Variants in ANKH observed in about 807,000 individuals in gnomAD.
ANKH encodes mineralization regulator ANKH.
ANKH carries 15 observed loss-of-function variants against 49.0 expected under a neutral mutation model. That is an observed-to-expected ratio of 0.31 (90% CI 0.20 to 0.47). ANKH has a LOEUF of 0.47. Among genes scored for constraint, ANKH ranks in the 20% least tolerant of loss-of-function variants. The probability of loss-of-function intolerance (pLI) is 1.00; values close to 1 mark genes in which losing one functional copy is unlikely to be tolerated. For missense variants in ANKH, 429 were observed against 652.0 expected (o/e 0.66, Z 3.72); for synonymous variants, 273 against 260.0 (o/e 1.05, Z -0.48).
intron 1 of ANKH, among the ~76,000 whole-genome samples, chr5:14,787,187 G>A (rs546692825): frequency 1.3e-5 from 2 of 152,112 alleles, no homozygotes; most frequent in African/African-American, 2.4e-5. Flanking sequence ...GGTTGCATGC[G>A]CCTGTAATCC....
Position 14,712,734 on chromosome 5 carries a change from C to T in ANKH, c.1365+140G>A, listed in dbSNP as rs185979770. On this transcript the variant is annotated intron_variant, in intron 11 of 11. Transcript: ENST00000284268. ...CCACTCCCATTAGGCTTCCAGCCACCCTAAGCCACGAGACTGGGCAGTGTC... is the reference window on the plus strand; with the variant it reads ...CCACTCCCATTAGGCTTCCAGCCACTCTAAGCCACGAGACTGGGCAGTGTC... 442 of 851,542 alleles carry T rather than the reference C, an allele frequency of 5.2e-4. 1 individual carries two copies. Among genetic ancestry groups the T allele is most frequent in the African/African-American group, 3.5e-3 (207 of 59,776 alleles). 52.7% of individuals were successfully genotyped at this position (851,542 alleles called of 1,614,324 possible).
chr5:14,813,241 A>G (rs760148545), intron 1 of ANKH, among the ~76,000 whole-genome samples: 1 of 67,762 alleles, frequency 1.5e-5, no homozygotes, highest in Admixed American at 1.4e-4. Context: ...ATGGCTATTT[A>G]AAAAAAAAAA....
chr5:14,755,717 G>A (rs1301208921), intron 4 of ANKH, 144 bp downstream of exon 4: 4 of 718,714 alleles, frequency 5.6e-6, no homozygotes, highest in Non-Finnish European at 1.0e-5. Flanking sequence ...TATTTATTGA[G>A]GTCTCTATGT....
chr5:14,760,349 G>A (rs937620781), intron 2 of ANKH, among the ~76,000 whole-genome samples: 3 of 152,156 alleles, frequency 2.0e-5, no homozygotes, highest in African/African-American at 7.2e-5. Flanking sequence ...GGGATTAGTA[G>A]AGGTTTGACC....
Position 14,755,947 on chromosome 5 carries a change from G to A in ANKH, c.433-3C>T. ...AGAATGCCAGCATGGGTCCATGCCT[G>A]CCAGAAAGAAAAGAATTTGGCATGA... On this transcript the variant is annotated splice_polypyrimidine_tract_variant and splice_region_variant and intron_variant, in intron 3 of 11. Transcript: ENST00000284268. The A allele has an allele frequency of 6.2e-7, 1 of 1,613,632 alleles. No homozygotes were observed. Among genetic ancestry groups the A allele is most frequent in the Non-Finnish European group, 8.5e-7 (1 of 1,179,562 alleles).
intron 2 of ANKH, among the ~76,000 whole-genome samples, chr5:14,764,135 A>AAAGAC (rs1175219669): frequency 6.6e-6 from 1 of 150,854 alleles, no homozygotes; most frequent in Non-Finnish European, 1.5e-5. Flanking sequence ...TAGCAAAAAT[A>AAAGAC]TCCCTTGAGT....
intron 8 of ANKH, among the ~76,000 whole-genome samples, chr5:14,740,890 C>T (rs1314624222): frequency 6.6e-6 from 1 of 152,176 alleles, no homozygotes; most frequent in East Asian, 1.9e-4. Flanking sequence ...GCACACATCT[C>T]GACATTTCTG....
At chr5:14,734,566 CT>C (rs1408577816) in intron 8 of ANKH, among the ~76,000 whole-genome samples, 1 of 152,222 alleles carries the variant, frequency 6.6e-6, no homozygotes, top group African/African-American at 2.4e-5. Flanking sequence ...AAGAGCCGGG[CT>C]GGGCACCTGC....
chr5:14,771,699 T>A (rs192763967), intron 1 of ANKH, among the ~76,000 whole-genome samples: 2 of 152,096 alleles, frequency 1.3e-5, no homozygotes, highest in Admixed American at 1.3e-4. Flanking sequence ...GATGGGCAGA[T>A]CCCTTGAGGA....
In ANKH at chr5:14,745,785, CA is replaced by C; in HGVS notation, c.915+84del. On this transcript the variant is annotated intron_variant, in intron 7 of 11. Coordinates refer to ENST00000284268, the MANE Select transcript of ANKH (RefSeq NM_054027.6). This position sits in a 1 kb window ranked among gnomAD's most constrained non-coding sequence, Gnocchi z 4.7. ...AAAGGGAAGCAGGACTGAGAAGCAA[CA>C]AAGTGTCCCTCATCAGAGAGCCCTG... 3.4e-6 allele frequency: 4 copies of C among 1,192,356 alleles called. No individual in the cohort carries two copies. The highest frequency in any genetic ancestry group is 5.0e-6 in the Non-Finnish European group (4 of 800,142). 73.9% of individuals were successfully genotyped at this position (1,192,356 alleles called of 1,614,324 possible). A position where few individuals can be genotyped will look rare whatever the true frequency, so the allele number is the denominator to read the frequency against.
chr5:14,809,797 G>A (rs1178136264), intron 1 of ANKH, among the ~76,000 whole-genome samples: 4 of 151,886 alleles, frequency 2.6e-5, no homozygotes, highest in African/African-American at 9.7e-5. Flanking sequence ...GGACCCACAG[G>A]AAGTGGGGTG....
At position 14,713,478 on chromosome 5, in the gene ANKH, T is replaced by G; in HGVS notation, c.1265+66A>C. The G allele has an allele frequency of 6.2e-7, 1 of 1,600,954 alleles. No individual in the cohort carries two copies. The highest frequency in any genetic ancestry group is 1.3e-5 in the African/African-American group (1 of 74,644). On this transcript the variant is annotated intron_variant, in intron 10 of 11. Coordinates refer to ENST00000284268, the MANE Select transcript of ANKH (RefSeq NM_054027.6). This position sits in a 1 kb window ranked among gnomAD's most constrained non-coding sequence, Gnocchi z 4.4. ...GGATTTCCCCTGAAAATGTAGCTGT[T>G]AAACCTCTGGACACAGTATTGAAGT... is the stretch of plus-strand genomic sequence containing the variant.
intron 1 of ANKH, among the ~76,000 whole-genome samples, chr5:14,846,833 A>C (rs1350994381): frequency 6.6e-6 from 1 of 151,778 alleles, no homozygotes; most frequent in Admixed American, 6.6e-5. Flanking sequence ...CTCTACTAAA[A>C]ACACACACAC....
intron 1 of ANKH, among the ~76,000 whole-genome samples, chr5:14,816,111 T>G (rs1331648325): frequency 6.6e-6 from 1 of 152,212 alleles, no homozygotes; most frequent in African/African-American, 2.4e-5. Context: ...CAGTTGCCAT[T>G]CTAATGGGGA....
chr5:14,797,491 T>C, intron 1 of ANKH: 1 of 1,611,332 alleles, frequency 6.2e-7, no homozygotes, highest in Non-Finnish European at 8.5e-7. Flanking sequence ...TTCAGATTTC[T>C]CAGATCCCAC....
At chr5:14,753,814 AC>A (rs1377840607) in intron 4 of ANKH, among the ~76,000 whole-genome samples, 2 of 152,194 alleles carry the variant, frequency 1.3e-5, no homozygotes, top group Non-Finnish European at 2.9e-5. Flanking sequence ...ACAAAACAAA[AC>A]AAAAAACCCC....
At chr5:14,845,842 ACT>A (rs1491585366) in intron 1 of ANKH, among the ~76,000 whole-genome samples, 4 of 101,784 alleles carry the variant, frequency 3.9e-5, no homozygotes, top group Non-Finnish European at 7.8e-5. Context: ...CCCTATGCAC[ACT>A]TTTTTTTTTT....
chr5:14,726,777 G>A (rs1737836269), intron 8 of ANKH, among the ~76,000 whole-genome samples: 1 of 152,230 alleles, frequency 6.6e-6, no homozygotes, highest in African/African-American at 2.4e-5. Flanking sequence ...AGGGTGAATT[G>A]CCGAAAGCAG....
At chr5:14,724,977 T>C (rs991083260) in intron 8 of ANKH, among the ~76,000 whole-genome samples, 1 of 152,024 alleles carries the variant, frequency 6.6e-6, no homozygotes, top group South Asian at 2.1e-4. Flanking sequence ...AAGTCAAACA[T>C]ATGCAGCTGT....
Sources: gnomAD v4.1 joint callset for allele counts (sites outside exome capture counted in the v4.1 genomes callset) on GRCh38, gnomAD v4.1.1 for gene constraint, Gnocchi (gnomAD v3.1) non-coding constraint, MANE v1.5 for transcripts, NCBI Gene and HGNC (gene_info 2026-07-23, HGNC 2026-07-21) for gene names.